TMEM132B: variants seen among roughly 807,000 people sequenced by gnomAD.
TMEM132B encodes the protein transmembrane protein 132B.
Under a neutral mutation model 90.8 loss-of-function variants are expected in TMEM132B, and 18 were observed. The ratio of observed to expected loss-of-function variants is 0.20; its 90% CI spans 0.14 to 0.29. The LOEUF is 0.29. Ranked by LOEUF, TMEM132B falls within the 10% of genes least tolerant of loss-of-function variation. The pLI is 1.00. For synonymous variants in TMEM132B, 504 were observed against 523.3 expected, an observed-to-expected ratio of 0.96 and a Z score of 0.50; for missense variants, 1,096 against 1,326.8, an observed-to-expected ratio of 0.83 and a Z score of 2.70.
intron 4 of TMEM132B, among the ~76,000 whole-genome samples, chr12:125,559,444 C>T (rs957717967): frequency 2.0e-5 from 3 of 152,178 alleles, no homozygotes; most frequent in Non-Finnish European, 2.9e-5. Context: ...GAAAACAACC[C>T]TTACTGAGAT....
chr12:125,378,686 G>A (rs1415463995), intron 2 of TMEM132B, among the ~76,000 whole-genome samples: 1 of 152,112 alleles, frequency 6.6e-6, no homozygotes, highest in African/African-American at 2.4e-5. Flanking sequence ...TCATTGGCCA[G>A]AACTGTGCCA....
At chr12:125,466,839 C>T (rs1881574922) in intron 3 of TMEM132B, among the ~76,000 whole-genome samples, 1 of 152,166 alleles carries the variant, frequency 6.6e-6, no homozygotes, top group South Asian at 2.1e-4. Context: ...TTAGTCTGGA[C>T]CTGGTGTTGG....
At chr12:125,552,341 C>A (rs1056261110) in intron 4 of TMEM132B, among the ~76,000 whole-genome samples, 12 of 152,196 alleles carry the variant, frequency 7.9e-5, no homozygotes, top group African/African-American at 2.9e-4. Context: ...TACTGGTCTC[C>A]ACCAGTGGCC....
intron 5 of TMEM132B, among the ~76,000 whole-genome samples, chr12:125,589,249 A>C (rs535188279): frequency 6.6e-6 from 1 of 152,008 alleles, no homozygotes; most frequent in African/African-American, 2.4e-5. Context: ...TTGGGAGGCC[A>C]AGGCGGGCAG....
intron 2 of TMEM132B, among the ~76,000 whole-genome samples, chr12:125,386,328 A>G (rs1878831920): frequency 6.6e-6 from 1 of 152,164 alleles, no homozygotes. Flanking sequence ...AGATGGACGC[A>G]TGGTGGGAGG....
chr12:125,597,432 A>T (rs2136910167), intron 5 of TMEM132B, among the ~76,000 whole-genome samples: 1 of 152,276 alleles, frequency 6.6e-6, no homozygotes, highest in Middle Eastern at 3.4e-3. Flanking sequence ...CTCCCTCAAA[A>T]AGACACTTGT....
intron 4 of TMEM132B, among the ~76,000 whole-genome samples, chr12:125,572,175 C>G (rs1884814855): frequency 6.6e-6 from 1 of 152,138 alleles, no homozygotes; most frequent in Non-Finnish European, 1.5e-5. Flanking sequence ...GCATATTTAT[C>G]CCATTGCTAG....
rs79452651 is a variant in TMEM132B at position 125,476,267 on chromosome 12, T to A, written c.1107-43172T>A. 7.6e-3 allele frequency among the ~76,000 whole-genome samples: 1,161 copies of A among 152,348 alleles called. 16 individuals carry two copies. The highest frequency in any genetic ancestry group is 0.026 in the African/African-American group (1,094 of 41,586). ...CGTCCCTCCACCACCTCTATTGAGT[T>A]CCAGGACATTTTAAGCAGGTAGGGA... On this transcript the variant is annotated intron_variant, in intron 3 of 8. Transcript: ENST00000682704.
chr12:125,398,694 G>A (rs1879229710), intron 2 of TMEM132B, among the ~76,000 whole-genome samples: 1 of 152,152 alleles, frequency 6.6e-6, no homozygotes. Context: ...CTTACATATT[G>A]GCTATCAAAT....
chr12:125,446,335 G>A (rs926694730), intron 3 of TMEM132B, among the ~76,000 whole-genome samples: 1 of 152,102 alleles, frequency 6.6e-6, no homozygotes, highest in Admixed American at 6.5e-5. Flanking sequence ...TTATTGATTT[G>A]TATGAGCTAT....
At chr12:125,337,309 A>G (rs1876998221) in intron 1 of TMEM132B, among the ~76,000 whole-genome samples, 1 of 152,118 alleles carries the variant, frequency 6.6e-6, no homozygotes, top group Non-Finnish European at 1.5e-5. Flanking sequence ...GTGGCTTAAC[A>G]CAATAAAAGA....
intron 2 of TMEM132B, among the ~76,000 whole-genome samples, chr12:125,403,835 T>A (rs1376324086): frequency 6.6e-6 from 1 of 152,214 alleles, no homozygotes; most frequent in African/African-American, 2.4e-5. Flanking sequence ...AGTGACCAGC[T>A]TAGTTGACCA....
chr12:125,549,350 C>T (rs375696325), intron 4 of TMEM132B, among the ~76,000 whole-genome samples: 17 of 152,340 alleles, frequency 1.1e-4, no homozygotes, highest in African/African-American at 3.6e-4. Context: ...AACAGCCTCC[C>T]TTTCAGATCC....
At chr12:125,606,519 C>T (rs1800001892) in intron 5 of TMEM132B, among the ~76,000 whole-genome samples, 1 of 152,178 alleles carries the variant, frequency 6.6e-6, no homozygotes, top group Admixed American at 6.5e-5. Flanking sequence ...GCATGTGTGC[C>T]AGCACATGTG....
chr12:125,188,400 A>G (rs1340960516), intron 1 of TMEM132B, among the ~76,000 whole-genome samples: 1 of 152,126 alleles, frequency 6.6e-6, no homozygotes, highest in Non-Finnish European at 1.5e-5. Flanking sequence ...GGACTTGAAA[A>G]TTGCAGTTTT....
At position 125,654,787 on chromosome 12, in the gene TMEM132B, A is replaced by C; in HGVS notation, c.*77A>C. 7 of 1,478,474 alleles carry C rather than the reference A, an allele frequency of 4.7e-6. No individual in the cohort carries two copies. Among genetic ancestry groups the C allele is most frequent in the Non-Finnish European group, 6.4e-6 (7 of 1,091,798 alleles). 91.6% of individuals were successfully genotyped at this position (1,478,474 alleles called of 1,614,324 possible). A position where few individuals can be genotyped will look rare whatever the true frequency, so the allele number is the denominator to read the frequency against. ...TGGAGCAGTGAGTTTGATCAGCAAT[A>C]GGGGATGATTTAACAAAGTTTGATT... On this transcript the variant is annotated 3_prime_UTR_variant, in exon 9 of 9. Coordinates refer to ENST00000682704, the MANE Select transcript of TMEM132B (RefSeq NM_001366854.1). This position sits in a 1 kb window ranked among gnomAD's most constrained non-coding sequence, Gnocchi z 5.8.
At chr12:125,263,731 A>C (rs1324114668) in intron 1 of TMEM132B, among the ~76,000 whole-genome samples, 1 of 152,202 alleles carries the variant, frequency 6.6e-6, no homozygotes, top group African/African-American at 2.4e-5. Context: ...GTGCAGTATA[A>C]CCAAGGGTTT....
chr12:125,253,643 A>C (rs753132893), intron 1 of TMEM132B, among the ~76,000 whole-genome samples: 6 of 152,200 alleles, frequency 3.9e-5, no homozygotes, highest in Middle Eastern at 6.8e-3. Flanking sequence ...CATATTTCCC[A>C]GGCTGGTCTC....
chr12:125,194,268 T>TGC (rs1555231220), intron 1 of TMEM132B, among the ~76,000 whole-genome samples: 50 of 149,510 alleles, frequency 3.3e-4, no homozygotes, highest in African/African-American at 1.2e-3. Flanking sequence ...ATTAACCCGT[T>TGC]GGTGGGGGGG....
Sources: allele counts gnomAD v4.1 joint callset (sites outside exome capture counted in the v4.1 genomes callset), GRCh38; gene constraint gnomAD v4.1.1; non-coding constraint Gnocchi (gnomAD v3.1); transcripts MANE v1.5; gene names NCBI Gene and HGNC (gene_info 2026-07-23, HGNC 2026-07-21).